Variants in RNF150 observed in about 807,000 individuals in gnomAD.
The protein encoded by RNF150 is ring finger protein 150.
Under a neutral mutation model 39.3 loss-of-function variants are expected in RNF150, and 24 were observed. The ratio of observed to expected loss-of-function variants is 0.61; its 90% CI spans 0.44 to 0.86. The LOEUF (loss-of-function observed/expected upper bound fraction) is 0.86. Among genes scored for constraint, RNF150 ranks in the 40% least tolerant of loss-of-function variants. The probability of loss-of-function intolerance (pLI) is 0.00; values close to 1 mark genes in which losing one functional copy is unlikely to be tolerated. For synonymous variants in RNF150, 255 were observed against 227.3 expected (o/e 1.12, Z -1.10); for missense variants, 502 against 587.8 (o/e 0.85, Z 1.51).
intron 1 of RNF150, among the ~76,000 whole-genome samples, chr4:141,092,367 C>T (rs1017613709): frequency 6.6e-6 from 1 of 151,738 alleles, no homozygotes. Context: ...AAAAAACTCT[C>T]AGATCTAATG....
chr4:141,081,625 C>G (rs544089159), intron 1 of RNF150, among the ~76,000 whole-genome samples: 60 of 152,226 alleles, frequency 3.9e-4, no homozygotes, highest in African/African-American at 1.4e-3. Flanking sequence ...TAGGCAAAGA[C>G]AAAATAGAGG....
intron 1 of RNF150, among the ~76,000 whole-genome samples, chr4:141,087,246 C>G (rs1738402313): frequency 6.6e-6 from 1 of 152,144 alleles, no homozygotes; most frequent in Non-Finnish European, 1.5e-5. Context: ...ATTTAGTTTT[C>G]TGTTCCTGAA....
At chr4:141,060,673 A>G (rs1737182722) in intron 1 of RNF150, among the ~76,000 whole-genome samples, 2 of 152,220 alleles carry the variant, frequency 1.3e-5, no homozygotes, top group South Asian at 4.1e-4. Flanking sequence ...AACCCCTACT[A>G]TAAAGACACA....
At chr4:140,973,418 C>T (rs775240143) in intron 1 of RNF150, among the ~76,000 whole-genome samples, 20 of 151,958 alleles carry the variant, frequency 1.3e-4, no homozygotes, top group Admixed American at 1.3e-3. Flanking sequence ...AATTCTGAAA[C>T]ATTTTTCTTC....
intron 1 of RNF150, among the ~76,000 whole-genome samples, chr4:141,002,280 ACAGT>A (rs1734693908): frequency 6.6e-6 from 1 of 151,882 alleles, no homozygotes; most frequent in Non-Finnish European, 1.5e-5. Flanking sequence ...AGTATGTTAC[ACAGT>A]CTTTATTGTA....
Position 140,981,232 on chromosome 4 carries a change from T to A in RNF150, c.485-13359A>T, listed in dbSNP as rs535923293. ...TATTTGACATGATTGGGACCAGAAG[T>A]GTTTCAGATTTTGGAATTTTTCAGA... On this transcript the variant is annotated intron_variant, in intron 1 of 6. Transcript: ENST00000515673. Among the ~76,000 whole-genome samples, 4 of 152,230 alleles carry A rather than the reference T, an allele frequency of 2.6e-5. No individual in the cohort carries two copies. The South Asian group carries it at 8.3e-4, about 32-fold the overall frequency.
At chr4:141,035,410 A>C (rs1316977408) in intron 1 of RNF150, among the ~76,000 whole-genome samples, 1 of 152,220 alleles carries the variant, frequency 6.6e-6, no homozygotes, top group Non-Finnish European at 1.5e-5. Flanking sequence ...TTACCCTAAA[A>C]AGAATGCTAT....
In RNF150 at chr4:140,959,536, T is replaced by C. The variant is rs564308945; in HGVS notation, c.735+8087A>G. ...ATTAGTCACTGGACTCAGGCACATATAGGCCATCTGACAGACCAAGGTCTC... is the reference window on the plus strand; with the variant it reads ...ATTAGTCACTGGACTCAGGCACATACAGGCCATCTGACAGACCAAGGTCTC... On this transcript the variant is annotated intron_variant, in intron 2 of 6. Coordinates refer to ENST00000515673, the MANE Select transcript of RNF150 (RefSeq NM_020724.2). Among the ~76,000 whole-genome samples the C allele has an allele frequency of 5.9e-5, 9 of 152,208 alleles. No individual in the cohort carries two copies. The South Asian group carries it at 1.9e-3, about 32-fold the overall frequency.
At chr4:141,105,774 A>C (rs139144529) in intron 1 of RNF150, among the ~76,000 whole-genome samples, 1 of 152,210 alleles carries the variant, frequency 6.6e-6, no homozygotes, top group Non-Finnish European at 1.5e-5. Flanking sequence ...TTTAAACATC[A>C]GTTTCTAGAA....
At chr4:140,951,004 G>C (rs938883132) in intron 2 of RNF150, among the ~76,000 whole-genome samples, 1 of 152,086 alleles carries the variant, frequency 6.6e-6, no homozygotes, top group Non-Finnish European at 1.5e-5. Flanking sequence ...GAGAGCGAGA[G>C]AAAAAGAACT....
At chr4:141,032,619 A>G (rs1163244225) in intron 1 of RNF150, among the ~76,000 whole-genome samples, 1 of 152,088 alleles carries the variant, frequency 6.6e-6, no homozygotes, top group Non-Finnish European at 1.5e-5. Context: ...TGAAAAAAAA[A>G]GAATCTTCTG....
At chr4:141,048,941 C>T (rs1736681424) in intron 1 of RNF150, among the ~76,000 whole-genome samples, 1 of 152,128 alleles carries the variant, frequency 6.6e-6, no homozygotes. Flanking sequence ...TAAAATCTGA[C>T]ACCAAGGTTG....
At chr4:141,070,568 G>A (rs1413852074) in intron 1 of RNF150, among the ~76,000 whole-genome samples, 10 of 150,716 alleles carry the variant, frequency 6.6e-5, no homozygotes, top group East Asian at 3.9e-4. Flanking sequence ...AAAAGTGGGC[G>A]AAGGACATGA....
rs79564950 is a variant in RNF150 at position 141,099,687 on chromosome 4, A to G, written c.484+32638T>C. ...TTATTTCAGGGGAGTAGATGGATAA[A>G]TGAGAGATTAGAGATGTCAGTCTGA... On this transcript the variant is annotated intron_variant, in intron 1 of 6. Coordinates refer to ENST00000515673, the MANE Select transcript of RNF150 (RefSeq NM_020724.2). 6.4e-3 allele frequency among the ~76,000 whole-genome samples: 970 copies of G among 152,264 alleles called. 50 individuals are homozygous for G. In the East Asian group the frequency reaches 0.12, roughly 18 times the overall value.
At chr4:141,006,489 C>T (rs1734879016) in intron 1 of RNF150, among the ~76,000 whole-genome samples, 1 of 152,178 alleles carries the variant, frequency 6.6e-6, no homozygotes, top group African/African-American at 2.4e-5. Context: ...ACAGCTAATG[C>T]CACAGACAAA....
intron 1 of RNF150, among the ~76,000 whole-genome samples, chr4:141,154,004 T>A (rs1430814863): frequency 2.0e-5 from 3 of 152,172 alleles, no homozygotes; most frequent in Admixed American, 6.5e-5. Flanking sequence ...GTGCCTCAGT[T>A]TTTTCATGTG....
chr4:141,146,939 T>G (rs1507178), intron 1 of RNF150, among the ~76,000 whole-genome samples: 24,423 of 152,180 alleles, frequency 0.16, 2,545 homozygotes, highest in Non-Finnish European at 0.24. Context: ...ATAAAAGCTC[T>G]TTAGAGAATG....
At chr4:140,925,111 G>A (rs1245247776) in intron 5 of RNF150, among the ~76,000 whole-genome samples, 2 of 152,194 alleles carry the variant, frequency 1.3e-5, no homozygotes, top group South Asian at 4.1e-4. Context: ...GGGGCTGAGG[G>A]GGAGCTGGCA....
chr4:140,991,829 G>A (rs1734205911), intron 1 of RNF150, among the ~76,000 whole-genome samples: 1 of 152,128 alleles, frequency 6.6e-6, no homozygotes, highest in Non-Finnish European at 1.5e-5. Context: ...ATTTTTCCCA[G>A]TGTAATGATA....
Sources: allele counts gnomAD v4.1 joint callset (sites outside exome capture counted in the v4.1 genomes callset), GRCh38; gene constraint gnomAD v4.1.1; transcripts MANE v1.5; gene names NCBI Gene and HGNC (gene_info 2026-07-23, HGNC 2026-07-21).